DACH2: variants seen among roughly 807,000 people sequenced by gnomAD.
DACH2 encodes dachshund homolog 2.
DACH2 carries 17 observed loss-of-function variants against 35.8 expected under a neutral mutation model. That is an observed-to-expected ratio of 0.48 (90% CI 0.33 to 0.71). The LOEUF (loss-of-function observed/expected upper bound fraction) is 0.71, where lower values mean the gene tolerates loss of function less well. DACH2 is among the 30% of genes least tolerant of loss of function. The pLI, the probability that DACH2 is intolerant of heterozygous loss-of-function variation, is 0.02. For missense variants in DACH2, 469 were observed against 472.7 expected, an observed-to-expected ratio of 0.99 and a Z score of 0.07; for synonymous variants, 195 against 177.3, an observed-to-expected ratio of 1.10 and a Z score of -0.79.
chrX:86,782,983 C>A (rs183298790), intron 7 of DACH2, among the ~76,000 whole-genome samples: 11 of 111,574 alleles, frequency 9.9e-5, no homozygotes, highest in African/African-American at 2.9e-4. Context: ...CGACATCCCA[C>A]AGAATGGGAG....
intron 2 of DACH2, among the ~76,000 whole-genome samples, chrX:86,401,468 G>A (rs1001060307): frequency 8.0e-5 from 9 of 111,935 alleles, no homozygotes; most frequent in African/African-American, 1.3e-4. Flanking sequence ...CTTCTGTGTC[G>A]CTCACGCTGG....
At position 86,684,315 on chromosome X, in the gene DACH2, T is replaced by C. The variant is rs185716991; in HGVS notation, c.773-10706T>C. On this transcript the variant is annotated intron_variant, in intron 4 of 11. Transcript: ENST00000373125. ...TATACCTACAGAAATGATATTACTT[T>C]GTGTGCAGGGATAAAAAGAAGAGAT... is the stretch of plus-strand genomic sequence containing the variant. Among the ~76,000 whole-genome samples the C allele has an allele frequency of 4.5e-5, 5 of 112,052 alleles. No individual in the cohort carries two copies. In the Admixed American group the frequency reaches 4.8e-4, roughly 11 times the overall value.
chrX:86,713,724 T>C (rs2041303795), intron 5 of DACH2, among the ~76,000 whole-genome samples: 1 of 111,615 alleles, frequency 9.0e-6, no homozygotes, highest in Admixed American at 9.6e-5. Flanking sequence ...CCTTTCCTCC[T>C]ACAAATTTCA....
chrX:86,308,301 AT>A (rs2034729780), intron 1 of DACH2, among the ~76,000 whole-genome samples: 1 of 112,806 alleles, frequency 8.9e-6, no homozygotes, highest in Admixed American at 9.4e-5. Flanking sequence ...TACAATGGGA[AT>A]AATTGGATCC....
intron 1 of DACH2, among the ~76,000 whole-genome samples, chrX:86,342,731 C>T (rs905366324): frequency 2.8e-5 from 3 of 108,714 alleles, no homozygotes; most frequent in Non-Finnish European, 5.7e-5. Context: ...CTTTTGAACC[C>T]GGGAATGAGA....
chrX:86,291,337 G>C (rs1204842638), intron 1 of DACH2, among the ~76,000 whole-genome samples: 10 of 90,525 alleles, frequency 1.1e-4, no homozygotes, highest in Admixed American at 1.3e-4. Context: ...GAGACAATGG[G>C]GTTTTCTAGA....
At chrX:86,513,058 G>T in intron 2 of DACH2, 1 of 211,151 alleles carries the variant, frequency 4.7e-6, no homozygotes, top group Non-Finnish European at 9.0e-6. Context: ...AAATGAACTG[G>T]GTAACGATAC....
intron 1 of DACH2, among the ~76,000 whole-genome samples, chrX:86,175,257 A>G (rs1181052760): frequency 8.9e-6 from 1 of 112,153 alleles, no homozygotes. Context: ...AAAACAACAT[A>G]TCCACAATGA....
chrX:86,404,411 G>A (rs972038902), intron 2 of DACH2, among the ~76,000 whole-genome samples: 1 of 111,816 alleles, frequency 8.9e-6, no homozygotes, highest in Non-Finnish European at 1.9e-5. Context: ...GGAGGAATTG[G>A]CCAAAACAAA....
intron 3 of DACH2, among the ~76,000 whole-genome samples, chrX:86,607,587 TG>T (rs2039874921): frequency 1.8e-5 from 2 of 111,003 alleles, no homozygotes; most frequent in Non-Finnish European, 1.9e-5. Flanking sequence ...TTTTAGGTAT[TG>T]TTTTTTATTA....
intron 1 of DACH2, among the ~76,000 whole-genome samples, chrX:86,295,801 A>AT (rs1441190178): frequency 2.7e-5 from 3 of 109,657 alleles, no homozygotes; most frequent in African/African-American, 1.0e-4. Context: ...AGCCAGGGGG[A>AT]TTTGGGAGGG....
At position 86,416,157 on chromosome X, in the gene DACH2, A is replaced by G. The variant is rs184339787; in HGVS notation, c.527+39295A>G. On this transcript the variant is annotated intron_variant, in intron 2 of 11. Coordinates refer to ENST00000373125, the MANE Select transcript of DACH2 (RefSeq NM_053281.3). ...TTTTACACAATTGTATATGCAGAAA[A>G]CTCTTCTTTTGTATCTGAAATTAAA... Among the ~76,000 whole-genome samples, 31 of 111,870 alleles carry G rather than the reference A, an allele frequency of 2.8e-4. No individual in the cohort carries two copies. The East Asian group carries it at 3.7e-3, about 13-fold the overall frequency.
chrX:86,189,460 T>C (rs1602267828), intron 1 of DACH2, among the ~76,000 whole-genome samples: 1 of 111,645 alleles, frequency 9.0e-6, no homozygotes, highest in East Asian at 2.8e-4. Flanking sequence ...TATTGATAGG[T>C]TCAAATAATG....
At chrX:86,733,174 G>A in intron 6 of DACH2, among the ~76,000 whole-genome samples, 1 of 111,722 alleles carries the variant, frequency 9.0e-6, no homozygotes, top group Non-Finnish European at 1.9e-5. Flanking sequence ...GGTGCGTTAG[G>A]CAGTCAATAA....
chrX:86,282,243 C>T (rs932014126), intron 1 of DACH2, among the ~76,000 whole-genome samples: 2 of 111,645 alleles, frequency 1.8e-5, no homozygotes, highest in Non-Finnish European at 3.8e-5. Context: ...CGCTACCTGA[C>T]TTCAAACTAT....
chrX:86,805,071 A>C (rs1309035392), intron 7 of DACH2, among the ~76,000 whole-genome samples: 1 of 111,759 alleles, frequency 8.9e-6, no homozygotes, highest in Non-Finnish European at 1.9e-5. Flanking sequence ...GGGGGCTCCA[A>C]CTCCATATTT....
chrX:86,328,639 T>C (rs1216569771), intron 1 of DACH2, among the ~76,000 whole-genome samples: 1 of 111,792 alleles, frequency 8.9e-6, no homozygotes, highest in Non-Finnish European at 1.9e-5. Context: ...GACCTGGGAC[T>C]TCGTTTCAGC....
rs756641756 is a variant in DACH2 at position 86,569,681 on chromosome X, C to A, written c.640+55290C>A. ...ACACCCTTCTGGACATAGGCATGGG[C>A]AAAGATGTTATGATGAAATCTCCAA... On this transcript the variant is annotated intron_variant, in intron 3 of 11. Transcript: ENST00000373125. Among the ~76,000 whole-genome samples, 4 of 111,408 alleles carry A rather than the reference C, an allele frequency of 3.6e-5. No homozygotes were observed. In the East Asian group the frequency reaches 1.1e-3, roughly 32 times the overall value.
chrX:86,224,967 G>A (rs2032790115), intron 1 of DACH2, among the ~76,000 whole-genome samples: 1 of 111,511 alleles, frequency 9.0e-6, no homozygotes, highest in Non-Finnish European at 1.9e-5. Flanking sequence ...GTTAGAGCTG[G>A]CAATGCTGAC....
Sources: allele counts gnomAD v4.1 joint callset (sites outside exome capture counted in the v4.1 genomes callset), GRCh38; gene constraint gnomAD v4.1.1; transcripts MANE v1.5; gene names NCBI Gene and HGNC (gene_info 2026-07-23, HGNC 2026-07-21).